OR2T2: variants seen among roughly 807,000 people sequenced by gnomAD.
The protein encoded by OR2T2 is olfactory receptor 2T2.
For missense variants in OR2T2, 138 were observed against 409.1 expected (o/e 0.34, Z 5.72); for synonymous variants, 50 against 162.7 (o/e 0.31, Z 5.27).
rs528570551 is a variant in OR2T2, at chr1:248,445,961, C to T, written c.-246+292C>T. Among the ~76,000 whole-genome samples the T allele has an allele frequency of 9.3e-4, 116 of 125,110 alleles. 16 individuals carry two copies. The highest frequency in any genetic ancestry group is 3.7e-3 in the Admixed American group (47 of 12,676). 82.1% of individuals were successfully genotyped at this position (125,110 alleles called of 152,430 possible). On this transcript the variant is annotated intron_variant, in intron 1 of 2. Coordinates refer to ENST00000642130, the Ensembl canonical transcript of OR2T2. ...AAGGAAAATGGCATGTAAGAGCCGA[C>T]AGTTAGAAGAATGTGCTTGGTATTC...
chr1:248,448,152 C>CTG (rs1553318968), intron 2 of OR2T2, among the ~76,000 whole-genome samples: 4 of 150,616 alleles, frequency 2.7e-5, no homozygotes, highest in African/African-American at 7.4e-5. Context: ...CAAAGAGAGG[C>CTG]TGTAAGGTGC....
intron 2 of OR2T2, among the ~76,000 whole-genome samples, chr1:248,449,758 A>G (rs1662746687): frequency 8.2e-6 from 1 of 122,420 alleles, no homozygotes; most frequent in Admixed American, 7.7e-5. Flanking sequence ...GGGAGAAATC[A>G]TTCACCGCCT....
Position 248,453,529 on chromosome 1 carries a change from C to T in OR2T2, c.732C>T (p.Ser244=), listed in dbSNP as rs1208911911. Residue 244 remains serine (S), a synonymous_variant, in exon 3 of 3, where the codon TCC becomes TCT. Transcript: ENST00000642130. ...GCAAAGCCTTTGCTACGTGTTCCTCCCACATTATGGTGGTGAGCGTTTTCT... is the reference window on the plus strand; with the variant it reads ...GCAAAGCCTTTGCTACGTGTTCCTCTCACATTATGGTGGTGAGCGTTTTCT... The T allele has an allele frequency of 2.1e-5, 33 of 1,568,136 alleles. No individual in the cohort carries two copies. The East Asian group carries it at 6.1e-4, about 29-fold the overall frequency.
At chr1:248,451,766 C>CT (rs1336992276) in intron 2 of OR2T2, among the ~76,000 whole-genome samples, 1 of 148,438 alleles carries the variant, frequency 6.7e-6, no homozygotes, top group Non-Finnish European at 1.5e-5. Flanking sequence ...GTGGGAGCCA[C>CT]TGCACCCGAC....
chr1:248,447,449 C>T (rs1489042328), intron 2 of OR2T2, among the ~76,000 whole-genome samples: 40 of 134,678 alleles, frequency 3.0e-4, no homozygotes, highest in African/African-American at 1.2e-3. Flanking sequence ...TCTGGTCTCC[C>T]TGCCTTCACT....
exon 3 of OR2T2, chr1:248,454,089 G>A (rs1200572071): frequency 1.0e-5 from 3 of 296,206 alleles, no homozygotes; most frequent in African/African-American, 5.4e-5. Flanking sequence ...CATTTCCAGA[G>A]GGCATTCTCA....
In OR2T2 at chr1:248,450,275, C is replaced by T. The variant is rs537764347; in HGVS notation, c.-22-2501C>T. The stretch of plus-strand genomic sequence containing the variant: ...TCACAGATGCACACACCACACATAC[C>T]ATGCTCACACACTCACATATGAACA... On this transcript the variant is annotated intron_variant, in intron 2 of 2. Coordinates refer to ENST00000642130, the Ensembl canonical transcript of OR2T2. Among the ~76,000 whole-genome samples, 1,044 of 139,212 alleles carry T rather than the reference C, an allele frequency of 7.5e-3. 1 individual carries two copies. The highest frequency in any genetic ancestry group is 0.031 in the African/African-American group (993 of 32,552). 91.3% of individuals were successfully genotyped at this position (139,212 alleles called of 152,430 possible).
At chr1:248,455,121 T>G (rs1422491541) in exon 3 of OR2T2, 1 of 150,866 alleles carries the variant, frequency 6.6e-6, no homozygotes, top group African/African-American at 2.5e-5. Flanking sequence ...TAACTTTAGT[T>G]TCTCCTGTGT....
In OR2T2 at chr1:248,449,310, A is replaced by AG. The variant is rs1159335100; in HGVS notation, c.-23+2503dup. On this transcript the variant is annotated intron_variant, in intron 2 of 2. An upstream open reading frame in the 5' UTR loses its in-frame stop. Coordinates refer to ENST00000642130, the Ensembl canonical transcript of OR2T2. Reference sequence around the variant, plus strand: ...CTCTAGTCATGCTGAATTCCCGGAAAGGGGTGTCAGAATGAATTGCTCTAA... The same window carrying AG: ...CTCTAGTCATGCTGAATTCCCGGAAAGGGGGTGTCAGAATGAATTGCTCTAA... 2 of 152,434 alleles carry AG rather than the reference A, an allele frequency of 1.3e-5. No individual in the cohort carries two copies. The highest frequency in any genetic ancestry group is 2.4e-5 in the African/African-American group (1 of 41,446). 9.4% of individuals were successfully genotyped at this position (152,434 alleles called of 1,614,324 possible).
intron 2 of OR2T2, among the ~76,000 whole-genome samples, chr1:248,447,685 A>AC (rs1439242104): frequency 2.0e-5 from 3 of 151,526 alleles, no homozygotes; most frequent in Non-Finnish European, 4.4e-5. Context: ...AACTGAACTG[A>AC]CTCCTGTCTT....
At chr1:248,447,150 G>A (rs1477111557) in intron 2 of OR2T2, among the ~76,000 whole-genome samples, 1 of 151,666 alleles carries the variant, frequency 6.6e-6, no homozygotes, top group African/African-American at 2.4e-5. Context: ...TGGATACTAC[G>A]TTGCTGTGGA....
At chr1:248,447,502 C>T (rs1157768914) in intron 2 of OR2T2, among the ~76,000 whole-genome samples, 2 of 145,238 alleles carry the variant, frequency 1.4e-5, no homozygotes, top group Non-Finnish European at 3.0e-5. Flanking sequence ...TCTCCACGGG[C>T]TCTTCAGCTG....
At position 248,453,165 on chromosome 1, in the gene OR2T2, G is replaced by T. The variant is rs377328194; in HGVS notation, c.368G>T (p.Arg123Leu). Reference sequence around the variant, plus strand: ...CTGCTGGGTCTCATGGCCTATGACCGCTATGTGGCTGTGTGCAACCCTCTA... The same window carrying T: ...CTGCTGGGTCTCATGGCCTATGACCTCTATGTGGCTGTGTGCAACCCTCTA... Residue 123 changes from arginine to leucine, a missense_variant, in exon 3 of 3, where the codon CGC becomes CTC. Arg to Leu is a moderately radical substitution (Grantham distance 102). Transcript: ENST00000642130. The T allele has an allele frequency of 4.1e-5, 66 of 1,612,164 alleles. No homozygotes were observed. The East Asian group carries it at 1.4e-3, about 33-fold the overall frequency.
intron 2 of OR2T2, among the ~76,000 whole-genome samples, chr1:248,450,776 CT>C: frequency 2.0e-5 from 3 of 148,368 alleles, no homozygotes; most frequent in African/African-American, 7.8e-5. Flanking sequence ...AACTTACTGT[CT>C]GCGAGATTAA....
At chr1:248,449,818 TTTTC>T (rs1192537630) in intron 2 of OR2T2, among the ~76,000 whole-genome samples, 1 of 126,794 alleles carries the variant, frequency 7.9e-6, no homozygotes, top group Non-Finnish European at 1.5e-5. Flanking sequence ...TTCTTTTTCT[TTTTC>T]TTTTTCTTTT....
intron 2 of OR2T2, among the ~76,000 whole-genome samples, chr1:248,448,429 G>GGT (rs1252648806): frequency 2.8e-4 from 18 of 65,302 alleles, no homozygotes; most frequent in Middle Eastern, 4.4e-3. Context: ...GATAAAATAT[G>GGT]GTATATATAT....
chr1:248,448,350 TTTA>T (rs1369523465), intron 2 of OR2T2, among the ~76,000 whole-genome samples: 17 of 132,588 alleles, frequency 1.3e-4, no homozygotes, highest in Admixed American at 5.4e-4. Context: ...GGTATTCTAT[TTTA>T]TTATTGTTAA....
At chr1:248,447,246 G>C (rs1662685514) in intron 2 of OR2T2, among the ~76,000 whole-genome samples, 1 of 150,822 alleles carries the variant, frequency 6.6e-6, no homozygotes, top group Non-Finnish European at 1.5e-5. Flanking sequence ...GGAGTAGCTT[G>C]TGTAGGTAGA....
intron 2 of OR2T2, among the ~76,000 whole-genome samples, chr1:248,450,260 A>G (rs1460133871): frequency 1.4e-5 from 2 of 145,308 alleles, no homozygotes; most frequent in East Asian, 2.0e-4. Context: ...TCACAGATGC[A>G]CACACCACAC....
Sources: gnomAD v4.1 joint callset for allele counts (sites outside exome capture counted in the v4.1 genomes callset) on GRCh38, gnomAD v4.1.1 for gene constraint, MANE v1.5 for transcripts, NCBI Gene and HGNC (gene_info 2026-07-23, HGNC 2026-07-21) for gene names.